The following TRAPPC9 variants were observed in gnomAD, a reference collection of about 807,000 sequenced individuals.
TRAPPC9 encodes the protein IKK2 binding protein.
In TRAPPC9, 83 loss-of-function variants were observed where a neutral mutation model predicts 124.0. The ratio of observed to expected loss-of-function variants is 0.67; its 90% CI spans 0.56 to 0.80. The LOEUF (loss-of-function observed/expected upper bound fraction) is 0.80. Ranked by LOEUF, TRAPPC9 falls within the 30% of genes least tolerant of loss-of-function variation. The pLI, the probability that TRAPPC9 is intolerant of heterozygous loss-of-function variation, is 0.00. For synonymous variants in TRAPPC9, 638 were observed against 617.5 expected, an observed-to-expected ratio of 1.03 and a Z score of -0.49; for missense variants, 1,302 against 1,508.3, an observed-to-expected ratio of 0.86 and a Z score of 2.27.
At chr8:139,784,452 T>A (rs112368965) in intron 21 of TRAPPC9, among the ~76,000 whole-genome samples, 1,901 of 151,908 alleles carry the variant, frequency 0.013, 47 homozygotes, top group African/African-American at 0.043. Flanking sequence ...CGGGCACCTG[T>A]AATCCCGGCC....
At chr8:140,124,217 G>C (rs2061039648) in intron 17 of TRAPPC9, among the ~76,000 whole-genome samples, 2 of 152,248 alleles carry the variant, frequency 1.3e-5, no homozygotes, top group African/African-American at 4.8e-5. Context: ...CTGCACACCA[G>C]CATGTCTCCA....
chr8:140,139,796 C>T (rs150129429), intron 17 of TRAPPC9, among the ~76,000 whole-genome samples: 4 of 152,110 alleles, frequency 2.6e-5, no homozygotes, highest in African/African-American at 4.8e-5. Context: ...GGAGGCCCTC[C>T]GAGAGCTGCT....
chr8:139,933,823 C>A (rs572584395), intron 19 of TRAPPC9: 3 of 152,212 alleles, frequency 2.0e-5, no homozygotes, highest in African/African-American at 7.2e-5. Flanking sequence ...ATCCACCTTA[C>A]GTAGCCGTGT....
intron 1 of TRAPPC9, among the ~76,000 whole-genome samples, chr8:140,457,088 G>C (rs559810657): frequency 6.6e-6 from 1 of 152,364 alleles, no homozygotes; most frequent in South Asian, 2.1e-4. Flanking sequence ...TTGAATCCAG[G>C]AGACAGGAGG....
intron 17 of TRAPPC9, among the ~76,000 whole-genome samples, chr8:140,167,766 A>T (rs1164899950): frequency 6.6e-6 from 1 of 152,230 alleles, no homozygotes; most frequent in African/African-American, 2.4e-5. Flanking sequence ...TTTCTAAAGC[A>T]AAAGGCCACA....
intron 21 of TRAPPC9, among the ~76,000 whole-genome samples, chr8:139,838,625 C>T (rs1826517693): frequency 6.6e-6 from 1 of 152,136 alleles, no homozygotes; most frequent in African/African-American, 2.4e-5. Context: ...TCCTTCAGGG[C>T]CAGGCCTCTC....
chr8:140,031,483 G>T (rs73357153), intron 17 of TRAPPC9, among the ~76,000 whole-genome samples: 5 of 152,254 alleles, frequency 3.3e-5, no homozygotes, highest in African/African-American at 1.2e-4. Context: ...AATATTTAAA[G>T]ACCTCAATTG....
intron 15 of TRAPPC9, among the ~76,000 whole-genome samples, chr8:140,268,787 T>C (rs989416977): frequency 2.0e-5 from 3 of 152,008 alleles, no homozygotes; most frequent in Non-Finnish European, 4.4e-5. Flanking sequence ...AGACGAAGTG[T>C]AGGCAAGGCA....
rs1822076261 is a variant in TRAPPC9 at position 139,784,610 on chromosome 8, TATATATATATATATATA to T, written c.3056-52425_3056-52409del. On this transcript the variant is annotated intron_variant, in intron 21 of 22. Transcript: ENST00000438773. The stretch of plus-strand genomic sequence containing the variant: ...TAAATAAATAAATAAAAGACTGACA[TATATATATATATATATA>T]TATATATATATATATATAAATCAAC... 5.3e-4 allele frequency among the ~76,000 whole-genome samples: 14 copies of T among 26,664 alleles called. 1 individual carries two copies. In the Admixed American group the frequency reaches 7.6e-3, roughly 14 times the overall value. 17.5% of individuals were successfully genotyped at this position (26,664 alleles called of 152,430 possible).
rs774532133 is a variant in TRAPPC9 at position 140,397,774 on chromosome 8, C to CA, written c.1009-30dup. On this transcript the variant is annotated intron_variant, in intron 6 of 22. Transcript: ENST00000438773. ...CAGGGTGTAAAGGAAATGCCTCAGT[C>CA]AAAAAAGAGTTCAGATGTTTCTGTC... is the stretch of plus-strand genomic sequence containing the variant. 23 of 1,613,022 alleles carry CA rather than the reference C, an allele frequency of 1.4e-5. No homozygotes were observed. In the East Asian group the frequency reaches 3.6e-4, roughly 25 times the overall value.
Position 139,731,979 on chromosome 8 carries a change from C to T in TRAPPC9, c.3279G>A (p.Ala1093=), listed in dbSNP as rs764237074. 1.9e-5 allele frequency: 30 copies of T among 1,573,266 alleles called. 1 individual carries two copies. The South Asian group carries it at 2.8e-4, about 15-fold the overall frequency. Residue 1093 remains alanine (A), a splice_region_variant and synonymous_variant, in exon 22 of 23, where the codon GCG becomes GCA. Transcript: ENST00000438773. ...FVGSSTFYLD[A]VQPSGQSACL... ...GACCGCCTTGCACACCACCACGCAC[C>T]GCGTCGAGGTAGAAGGTGCTGGAGC...
At chr8:140,031,643 T>C (rs901299634) in intron 17 of TRAPPC9, among the ~76,000 whole-genome samples, 1 of 152,198 alleles carries the variant, frequency 6.6e-6, no homozygotes, top group African/African-American at 2.4e-5. Context: ...TTACTTAAGG[T>C]CAATGAAACT....
In TRAPPC9 at chr8:140,390,597, G is replaced by A. The variant is rs146251099; in HGVS notation, c.1134+7023C>T. Among the ~76,000 whole-genome samples, 923 of 152,282 alleles carry A rather than the reference G, an allele frequency of 6.1e-3. 6 individuals are homozygous for A. Among genetic ancestry groups the A allele is most frequent in the Non-Finnish European group, 0.011 (721 of 68,034 alleles). ...AAGGACTGGGTCAAAGATTCCCACCGCTTTGCAGGCAGCTGCCATCATCCA... is the reference window on the plus strand; with the variant it reads ...AAGGACTGGGTCAAAGATTCCCACCACTTTGCAGGCAGCTGCCATCATCCA... On this transcript the variant is annotated intron_variant, in intron 7 of 22. Coordinates refer to ENST00000438773, the MANE Select transcript of TRAPPC9 (RefSeq NM_001160372.4).
chr8:140,094,511 G>C (rs1844796703), intron 17 of TRAPPC9, among the ~76,000 whole-genome samples: 1 of 152,146 alleles, frequency 6.6e-6, no homozygotes, highest in Non-Finnish European at 1.5e-5. Flanking sequence ...TCTTGCCTTT[G>C]GCCACCCTGT....
intron 21 of TRAPPC9, among the ~76,000 whole-genome samples, chr8:139,858,653 G>A (rs1449589590): frequency 1.3e-5 from 2 of 152,124 alleles, no homozygotes; most frequent in South Asian, 2.1e-4. Context: ...CACAGGTGAG[G>A]GGCCCCCTCC....
chr8:139,850,372 T>C (rs891851185), intron 21 of TRAPPC9, among the ~76,000 whole-genome samples: 1 of 152,166 alleles, frequency 6.6e-6, no homozygotes, highest in Non-Finnish European at 1.5e-5. Context: ...CAGAGTTCAG[T>C]GTTCTTTCCA....
intron 21 of TRAPPC9, among the ~76,000 whole-genome samples, chr8:139,878,267 G>A (rs978803144): frequency 6.6e-6 from 1 of 152,168 alleles, no homozygotes; most frequent in Admixed American, 6.5e-5. Flanking sequence ...GGACACAGAA[G>A]TATAAATACA....
At chr8:139,824,844 T>C (rs991977229) in intron 21 of TRAPPC9, among the ~76,000 whole-genome samples, 26 of 152,200 alleles carry the variant, frequency 1.7e-4, no homozygotes, top group African/African-American at 5.3e-4. Context: ...ATTATAGGTG[T>C]GAGCCACTGT....
chr8:140,437,364 C>T (rs2070852399), intron 3 of TRAPPC9, among the ~76,000 whole-genome samples: 1 of 152,074 alleles, frequency 6.6e-6, no homozygotes, highest in Admixed American at 6.6e-5. Context: ...GTGGCTTATG[C>T]CTGTAATCCC....
Sources: allele counts gnomAD v4.1 joint callset (sites outside exome capture counted in the v4.1 genomes callset), GRCh38; gene constraint gnomAD v4.1.1; transcripts MANE v1.5; gene names NCBI Gene and HGNC (gene_info 2026-07-23, HGNC 2026-07-21).